Variants in PPIL2 observed in about 807,000 individuals in gnomAD.
PPIL2 encodes the protein peptidylprolyl isomerase like 2.
PPIL2 carries 50 observed loss-of-function variants against 75.2 expected under a neutral mutation model. The ratio of observed to expected loss-of-function variants is 0.66; its 90% CI spans 0.53 to 0.84. The LOEUF is 0.84. PPIL2 is among the 40% of genes least tolerant of loss of function. The pLI is 0.00. For missense variants in PPIL2, 590 were observed against 685.0 expected (o/e 0.86, Z 1.55); for synonymous variants, 245 against 258.8 (o/e 0.95, Z 0.51).
chr22:21,681,277 C>G, intron 6 of PPIL2, 22 bp from the exon 7 acceptor site: 1 of 1,583,380 alleles, frequency 6.3e-7, no homozygotes, highest in Non-Finnish European at 8.7e-7. Flanking sequence ...GACTGGCCTC[C>G]CTGTGTGTGC....
chr22:21,684,751 A>T lies in PPIL2; in HGVS notation c.554-2A>T. On this transcript the variant is annotated splice_acceptor_variant, in intron 9 of 19. Transcript: ENST00000398831. LOFTEE classifies it high-confidence loss of function. The stretch of plus-strand genomic sequence containing the variant: ...GCTCAGGGCCATGCTACTGTTTTGT[A>T]GATGAAGAGAAGGCCAAACAGGACC... The T allele has an allele frequency of 6.2e-7, 1 of 1,613,814 alleles. No homozygotes were observed. The highest frequency in any genetic ancestry group is 8.5e-7 in the Non-Finnish European group (1 of 1,179,952).
At chr22:21,691,208 T>C (rs1342518990) in intron 15 of PPIL2, among the ~76,000 whole-genome samples, 3 of 151,810 alleles carry the variant, frequency 2.0e-5, no homozygotes, top group Non-Finnish European at 2.9e-5. Flanking sequence ...CCTCCCAAAG[T>C]GCCGAGATTA....
intron 4 of PPIL2, among the ~76,000 whole-genome samples, chr22:21,671,427 G>A (rs898360610): frequency 2.6e-5 from 4 of 152,194 alleles, no homozygotes; most frequent in African/African-American, 9.7e-5. Flanking sequence ...GAACTTATTT[G>A]TAGTAACATG....
At chr22:21,666,543 G>T (rs1409812584) in intron 1 of PPIL2, among the ~76,000 whole-genome samples, 1 of 152,172 alleles carries the variant, frequency 6.6e-6, no homozygotes, top group South Asian at 2.1e-4. Flanking sequence ...GGGCGCAGTG[G>T]CTCACCTGTA....
At chr22:21,683,322 T>C in intron 9 of PPIL2, 65 bp downstream of exon 9, 1 of 1,407,368 alleles carries the variant, frequency 7.1e-7, no homozygotes, top group Non-Finnish European at 1.0e-6. Context: ...CAGTGCTCCC[T>C]GGGTAAAGCC....
chr22:21,689,204 G>T (rs1161108346), intron 15 of PPIL2, among the ~76,000 whole-genome samples: 7 of 152,358 alleles, frequency 4.6e-5, no homozygotes, highest in African/African-American at 1.7e-4. Context: ...TGCACAGGGA[G>T]AGGCGCCTGG....
chr22:21,683,352 G>T lies in PPIL2; in HGVS notation c.553+95G>T, dbSNP rs537601152. On this transcript the variant is annotated intron_variant, in intron 9 of 19. Transcript: ENST00000398831. ...AAAGCCCCCGCTTTCCTGGAGGTCA[G>T]GGGGTCCCAGCCCAGACAGGCCCTG... 64 of 1,101,848 alleles carry T rather than the reference G, an allele frequency of 5.8e-5. No individual in the cohort carries two copies. The East Asian group carries it at 1.5e-3, about 26-fold the overall frequency. The allele number at this position is 1,101,848 out of a possible 1,614,324, so 68.3% of individuals were successfully genotyped here. A position where few individuals can be genotyped will look rare whatever the true frequency, so the allele number is the denominator to read the frequency against.
At position 21,685,364 on chromosome 22, in the gene PPIL2, C is replaced by T. The variant is rs187804026; in HGVS notation, c.714+451C>T. Among the ~76,000 whole-genome samples the T allele has an allele frequency of 3.2e-4, 49 of 152,180 alleles. No individual in the cohort carries two copies. In the East Asian group the frequency reaches 9.3e-3, roughly 29 times the overall value. On this transcript the variant is annotated intron_variant, in intron 10 of 19. Coordinates refer to ENST00000398831, the MANE Select transcript of PPIL2 (RefSeq NM_014337.4). ...AGTTGGGGCGTTTCATGGTCTGCTG[C>T]GGTGCTGACGTGGATGGCATGCCTG...
Position 21,696,282 on chromosome 22 carries a change from T to C in PPIL2, c.*792T>C. ...AACCACCTGGGCTTCATCTCAAGCC[T>C]GCCTGGCGTCTCTGTGCCCCTGTGA... On this transcript the variant is annotated 3_prime_UTR_variant, in exon 20 of 20. Coordinates refer to ENST00000398831, the MANE Select transcript of PPIL2 (RefSeq NM_014337.4). 9.6e-7 allele frequency: 1 copy of C among 1,038,500 alleles called. No homozygotes were observed. The highest frequency in any genetic ancestry group is 1.2e-6 in the Non-Finnish European group (1 of 861,906). 64.3% of individuals were successfully genotyped at this position (1,038,500 alleles called of 1,614,324 possible).
rs528865877 is a variant in PPIL2 at position 21,682,643 on chromosome 22, A to C, written c.477+117A>C. ...TCATATCTGTCCTCAAAGCCACCTGAGGCATCTGAATAGCCACTCTGCAGG... is the reference window on the plus strand; with the variant it reads ...TCATATCTGTCCTCAAAGCCACCTGCGGCATCTGAATAGCCACTCTGCAGG... On this transcript the variant is annotated intron_variant, in intron 8 of 19. Coordinates refer to ENST00000398831, the MANE Select transcript of PPIL2 (RefSeq NM_014337.4). The C allele has an allele frequency of 1.3e-5, 7 of 554,960 alleles. No homozygotes were observed. The East Asian group carries it at 2.3e-4, about 18-fold the overall frequency. 34.4% of individuals were successfully genotyped at this position (554,960 alleles called of 1,614,324 possible).
chr22:21,689,624 A>AG (rs11392820), intron 15 of PPIL2, among the ~76,000 whole-genome samples: 45,958 of 151,862 alleles, frequency 0.3, 7,167 homozygotes, highest in Non-Finnish European at 0.35. Flanking sequence ...AGTCACGCTT[A>AG]TCACCAAAAG....
intron 6 of PPIL2, among the ~76,000 whole-genome samples, chr22:21,676,038 G>A (rs1359438124): frequency 6.6e-6 from 1 of 152,212 alleles, no homozygotes; most frequent in East Asian, 1.9e-4. Flanking sequence ...TGCTTACTGG[G>A]TGCATGCATT....
intron 6 of PPIL2, among the ~76,000 whole-genome samples, chr22:21,676,009 A>G (rs2066826747): frequency 6.6e-6 from 1 of 152,162 alleles, no homozygotes; most frequent in Non-Finnish European, 1.5e-5. Context: ...TGGAGATGCT[A>G]TGGCTTAGGG....
At chr22:21,674,247 C>T (rs1441118804) in intron 5 of PPIL2, among the ~76,000 whole-genome samples, 1 of 152,224 alleles carries the variant, frequency 6.6e-6, no homozygotes, top group Admixed American at 6.5e-5. Context: ...CAGCCCCGCC[C>T]CCAGCAGTTC....
intron 6 of PPIL2, among the ~76,000 whole-genome samples, chr22:21,677,893 C>G (rs1351002923): frequency 6.6e-6 from 1 of 152,192 alleles, no homozygotes; most frequent in African/African-American, 2.4e-5. Context: ...GAGGGCCGCC[C>G]TGACCCGCTG....
intron 11 of PPIL2, 111 bp downstream of exon 11, chr22:21,686,669 C>A: frequency 8.4e-7 from 1 of 1,186,960 alleles, no homozygotes; most frequent in Non-Finnish European, 1.2e-6. Context: ...CCACTGTCAC[C>A]TGAGCCCCTA....
intron 1 of PPIL2, among the ~76,000 whole-genome samples, chr22:21,668,933 C>G (rs2066507698): frequency 2.0e-5 from 3 of 151,662 alleles, no homozygotes; most frequent in Admixed American, 6.6e-5. Flanking sequence ...GGATGGTCTC[C>G]ATCTCCTGAC....
At chr22:21,669,993 G>A (rs895610174) in intron 2 of PPIL2, 31 bp downstream of exon 2, 1 of 1,592,472 alleles carries the variant, frequency 6.3e-7, no homozygotes, top group African/African-American at 1.3e-5. Flanking sequence ...GTTCCCCGTT[G>A]GGGGAGTGGT....
Position 21,696,468 on chromosome 22 carries a change from T to C in PPIL2, c.*978T>C. The stretch of plus-strand genomic sequence containing the variant: ...TCCTCCTGTCAGTCACTGACTCTGA[T>C]GGCCTTGGGCCAGCTGCATCAGCAG... On this transcript the variant is annotated 3_prime_UTR_variant, in exon 20 of 20. Coordinates refer to ENST00000398831, the MANE Select transcript of PPIL2 (RefSeq NM_014337.4). 2 of 1,215,236 alleles carry C rather than the reference T, an allele frequency of 1.6e-6. No homozygotes were observed. The highest frequency in any genetic ancestry group is 2.1e-6 in the Non-Finnish European group (2 of 962,606). The allele number at this position is 1,215,236 out of a possible 1,614,324, so 75.3% of individuals were successfully genotyped here. A position where few individuals can be genotyped will look rare whatever the true frequency, so the allele number is the denominator to read the frequency against.
Sources: gnomAD v4.1 joint callset for allele counts (sites outside exome capture counted in the v4.1 genomes callset) on GRCh38, gnomAD v4.1.1 for gene constraint, MANE v1.5 for transcripts, NCBI Gene and HGNC (gene_info 2026-07-23, HGNC 2026-07-21) for gene names.